The following NXPH1 variants were observed in gnomAD, a reference collection of about 807,000 sequenced individuals.
The protein encoded by NXPH1 is neurexophilin 1.
Under a neutral mutation model 23.7 loss-of-function variants are expected in NXPH1, and 5 were observed. That is an observed-to-expected ratio of 0.21 (90% CI 0.11 to 0.44). The LOEUF (loss-of-function observed/expected upper bound fraction) is 0.44. Ranked by LOEUF, NXPH1 falls within the 20% of genes least tolerant of loss-of-function variation. NXPH1 has a pLI of 0.99. For synonymous variants in NXPH1, 144 were observed against 122.2 expected, an observed-to-expected ratio of 1.18 and a Z score of -1.18; for missense variants, 324 against 321.6, an observed-to-expected ratio of 1.01 and a Z score of -0.06.
intron 2 of NXPH1, among the ~76,000 whole-genome samples, chr7:8,466,680 C>T (rs1384209676): frequency 5.9e-5 from 9 of 152,122 alleles, no homozygotes; most frequent in Non-Finnish European, 1.2e-4. Context: ...TGATATTACT[C>T]ATATTACCTA....
At chr7:8,583,805 G>A (rs2128624164) in intron 2 of NXPH1, among the ~76,000 whole-genome samples, 1 of 152,266 alleles carries the variant, frequency 6.6e-6, no homozygotes, top group African/African-American at 2.4e-5. Flanking sequence ...TTTATCTTTT[G>A]GAACTCCTCT....
At chr7:8,647,291 G>T (rs987084867) in intron 2 of NXPH1, among the ~76,000 whole-genome samples, 1 of 152,080 alleles carries the variant, frequency 6.6e-6, no homozygotes, top group Non-Finnish European at 1.5e-5. Context: ...CAGGCCCAGC[G>T]CAGGTCATGG....
At chr7:8,566,742 C>T (rs1471959479) in intron 2 of NXPH1, among the ~76,000 whole-genome samples, 1 of 151,776 alleles carries the variant, frequency 6.6e-6, no homozygotes, top group Non-Finnish European at 1.5e-5. Context: ...TTGGACTGAG[C>T]CATGCTACCA....
intron 2 of NXPH1, among the ~76,000 whole-genome samples, chr7:8,534,034 C>T (rs1817989954): frequency 6.6e-6 from 1 of 152,050 alleles, no homozygotes; most frequent in African/African-American, 2.4e-5. Context: ...ATTGTGCTTC[C>T]ATGATGCCAA....
chr7:8,512,410 C>T (rs1817626712), intron 2 of NXPH1, among the ~76,000 whole-genome samples: 1 of 151,986 alleles, frequency 6.6e-6, no homozygotes, highest in Admixed American at 6.6e-5. Context: ...AGGAACTTAC[C>T]TTAAGGAAGT....
intron 2 of NXPH1, among the ~76,000 whole-genome samples, chr7:8,734,414 G>A (rs1402429898): frequency 4.6e-5 from 7 of 152,154 alleles, no homozygotes; most frequent in Non-Finnish European, 8.8e-5. Flanking sequence ...TGCAAAGAAC[G>A]TCAATGGTAG....
chr7:8,503,296 G>A (rs771184860), intron 2 of NXPH1, among the ~76,000 whole-genome samples: 1 of 152,006 alleles, frequency 6.6e-6, no homozygotes, highest in Non-Finnish European at 1.5e-5. Context: ...AAGGTCACAG[G>A]AGTAATAAGG....
At chr7:8,455,970 T>C (rs1816586234) in intron 2 of NXPH1, among the ~76,000 whole-genome samples, 1 of 152,194 alleles carries the variant, frequency 6.6e-6, no homozygotes, top group Non-Finnish European at 1.5e-5. Flanking sequence ...GTACACCTGA[T>C]CCTTGCAAGG....
At chr7:8,633,214 C>T (rs148989179) in intron 2 of NXPH1, among the ~76,000 whole-genome samples, 59 of 152,274 alleles carry the variant, frequency 3.9e-4, no homozygotes, top group Non-Finnish European at 5.7e-4. Flanking sequence ...AGGTGGATTA[C>T]GAGGTCAGGA....
intron 2 of NXPH1, among the ~76,000 whole-genome samples, chr7:8,651,334 G>A (rs1238319185): frequency 1.4e-5 from 1 of 72,376 alleles, no homozygotes; most frequent in African/African-American, 3.9e-5. Context: ...GTATTCCATG[G>A]TGTATATGTG....
At chr7:8,712,109 G>A (rs1203335713) in intron 2 of NXPH1, among the ~76,000 whole-genome samples, 1 of 152,248 alleles carries the variant, frequency 6.6e-6, no homozygotes, top group Non-Finnish European at 1.5e-5. Context: ...ATGTGCTAAT[G>A]TGACTACAGC....
chr7:8,659,841 G>C (rs1409876079), intron 2 of NXPH1, among the ~76,000 whole-genome samples: 1 of 152,138 alleles, frequency 6.6e-6, no homozygotes, highest in African/African-American at 2.4e-5. Flanking sequence ...TGTGCACTTA[G>C]TCACCTGAGG....
chr7:8,745,118 GT>G (rs1443749294), intron 2 of NXPH1, among the ~76,000 whole-genome samples: 7 of 152,194 alleles, frequency 4.6e-5, no homozygotes, highest in African/African-American at 1.7e-4. Flanking sequence ...CCTTCTACAA[GT>G]TTTTGGCAAG....
chr7:8,542,916 A>G (rs1422643293), intron 2 of NXPH1, among the ~76,000 whole-genome samples: 1 of 151,618 alleles, frequency 6.6e-6, no homozygotes, highest in Non-Finnish European at 1.5e-5. Flanking sequence ...GAATTAGGAG[A>G]CTTTGAGATC....
chr7:8,520,625 G>A (rs1474210794), intron 2 of NXPH1, among the ~76,000 whole-genome samples: 1 of 152,130 alleles, frequency 6.6e-6, no homozygotes, highest in Non-Finnish European at 1.5e-5. Flanking sequence ...CAACCTTGCA[G>A]GTATTCTCCC....
intron 2 of NXPH1, among the ~76,000 whole-genome samples, chr7:8,547,569 G>C (rs1818216741): frequency 1.3e-5 from 2 of 151,514 alleles, no homozygotes; most frequent in African/African-American, 4.8e-5. Context: ...AAGGGGATTA[G>C]TCTTCTAGTG....
rs564143113 is a variant in NXPH1 at position 8,531,061 on chromosome 7, G to T, written c.54+95294G>T. On this transcript the variant is annotated intron_variant, in intron 2 of 2. Coordinates refer to ENST00000405863, the MANE Select transcript of NXPH1 (RefSeq NM_152745.3). ...AAAACATTATTTTCATCTTTGCTCT[G>T]GCACTGAACAGAGACACAAACAGGG... is the stretch of plus-strand genomic sequence containing the variant. 2.0e-5 allele frequency among the ~76,000 whole-genome samples: 3 copies of T among 152,220 alleles called. No individual in the cohort carries two copies. In the East Asian group the frequency reaches 5.8e-4, roughly 29 times the overall value.
At chr7:8,569,405 A>G (rs903881605) in intron 2 of NXPH1, among the ~76,000 whole-genome samples, 1 of 151,932 alleles carries the variant, frequency 6.6e-6, no homozygotes, top group African/African-American at 2.4e-5. Context: ...ATAGACAAGT[A>G]TTAGATTTCA....
At chr7:8,477,659 T>C (rs996484927) in intron 2 of NXPH1, among the ~76,000 whole-genome samples, 1 of 152,164 alleles carries the variant, frequency 6.6e-6, no homozygotes, top group Non-Finnish European at 1.5e-5. Flanking sequence ...CCAGTGATTC[T>C]TAATAGGAAT....
Sources: allele counts gnomAD v4.1 joint callset (sites outside exome capture counted in the v4.1 genomes callset), GRCh38; gene constraint gnomAD v4.1.1; transcripts MANE v1.5; gene names NCBI Gene and HGNC (gene_info 2026-07-23, HGNC 2026-07-21).